PRKCH: variants seen among roughly 807,000 people sequenced by gnomAD.
PRKCH encodes protein kinase C eta, also known as protein kinase C eta type.
PRKCH carries 28 observed loss-of-function variants against 82.5 expected under a neutral mutation model. The observed-to-expected ratio is 0.34, with a 90% CI of 0.25 to 0.47. The LOEUF is 0.47. PRKCH is among the 20% of genes least tolerant of loss of function. The probability of loss-of-function intolerance (pLI) is 1.00; values close to 1 mark genes in which losing one functional copy is unlikely to be tolerated. For missense variants in PRKCH, 705 were observed against 881.8 expected (o/e 0.80, Z 2.54); for synonymous variants, 322 against 327.4 (o/e 0.98, Z 0.18).
At chr14:61,286,782 A>C (rs552670836) in intron 1 of PRKCH, among the ~76,000 whole-genome samples, 1 of 152,282 alleles carries the variant, frequency 6.6e-6, no homozygotes. Flanking sequence ...ATCTCAAAAA[A>C]AAAGAGGGTG....
intron 1 of PRKCH, among the ~76,000 whole-genome samples, chr14:61,372,588 G>A (rs1000198601): frequency 6.6e-6 from 1 of 152,022 alleles, no homozygotes; most frequent in African/African-American, 2.4e-5. Context: ...ATTGGCTAGA[G>A]TTCAGTGGTT....
intron 1 of PRKCH, among the ~76,000 whole-genome samples, chr14:61,243,538 T>C (rs2044858262): frequency 6.6e-6 from 1 of 152,062 alleles, no homozygotes; most frequent in African/African-American, 2.4e-5. Flanking sequence ...TAGCTACAGC[T>C]TGGGGAACGG....
In PRKCH at chr14:61,280,886, G is replaced by C. The variant is rs1349865973; in HGVS notation, c.-19+93218G>C. The C allele has an allele frequency of 6.4e-7, 1 of 1,556,074 alleles. No homozygotes were observed. The highest frequency in any genetic ancestry group is 8.6e-7 in the Non-Finnish European group (1 of 1,158,028). On this transcript the variant is annotated intron_variant, in intron 1 of 3. Coordinates refer to the PRKCH transcript ENST00000555185. The surrounding 1 kb of genome is among the most constrained non-coding windows in gnomAD (Gnocchi z 5.0). ...CAGGCGCACGAGCAGGGGGGCGGCA[G>C]CGCCCGGCCCTGGCCAGCCGCGGCG...
At chr14:61,529,877 C>T (rs935441980) in intron 11 of PRKCH, among the ~76,000 whole-genome samples, 3 of 142,948 alleles carry the variant, frequency 2.1e-5, no homozygotes, top group Admixed American at 7.2e-5. Flanking sequence ...GCACAATGTG[C>T]GCATGTACCC....
In PRKCH at chr14:61,453,297, C is replaced by A; in HGVS notation, c.904C>A (p.Leu302Ile). Residue 302 changes from leucine to isoleucine, a missense_variant, in exon 7 of 14, where the codon CTT (leucine) becomes ATT (isoleucine). Physicochemically the swap from Leu to Ile is conservative, Grantham distance 5. Transcript: ENST00000332981. ...TAACTGTGGGGTAAATGCGGTGGAA[C>A]TTGCCAAGACCCTGGCAGGGATGGG... is the stretch of plus-strand genomic sequence containing the variant. ...APNCGVNAVE[L>I]AKTLAGMGLQ... 1 of 1,614,178 alleles carries A rather than the reference C, an allele frequency of 6.2e-7. No homozygotes were observed. Among genetic ancestry groups the A allele is most frequent in the Non-Finnish European group, 8.5e-7 (1 of 1,180,010 alleles).
At chr14:61,338,214 C>A (rs1186970447) in intron 1 of PRKCH, among the ~76,000 whole-genome samples, 1 of 152,204 alleles carries the variant, frequency 6.6e-6, no homozygotes, top group Non-Finnish European at 1.5e-5. Context: ...AAGTACCCTG[C>A]ACATGTTTGG....
chr14:61,376,011 C>G (rs1023706745), intron 1 of PRKCH, among the ~76,000 whole-genome samples: 2 of 140,586 alleles, frequency 1.4e-5, no homozygotes, highest in Middle Eastern at 3.6e-3. Flanking sequence ...GAGTGAAATT[C>G]TGTCTCAAAA....
intron 1 of PRKCH, among the ~76,000 whole-genome samples, chr14:61,341,748 C>T (rs1176090030): frequency 1.3e-5 from 2 of 152,310 alleles, no homozygotes; most frequent in Non-Finnish European, 2.9e-5. Flanking sequence ...AATTCCTTTT[C>T]TCCTTTTTCC....
intron 1 of PRKCH, among the ~76,000 whole-genome samples, chr14:61,302,658 G>T (rs1014651697): frequency 1.3e-5 from 2 of 152,138 alleles, no homozygotes; most frequent in African/African-American, 4.8e-5. Context: ...GAACTATGTT[G>T]TGGGACTTCC....
chr14:61,464,815 C>T (rs1885182166), intron 9 of PRKCH, among the ~76,000 whole-genome samples: 3 of 152,206 alleles, frequency 2.0e-5, no homozygotes, highest in South Asian at 4.1e-4. Flanking sequence ...GGTTCCAAGT[C>T]TTTGGTATTG....
chr14:61,511,220 T>C (rs1887362143), intron 10 of PRKCH, among the ~76,000 whole-genome samples: 1 of 152,198 alleles, frequency 6.6e-6, no homozygotes, highest in Non-Finnish European at 1.5e-5. Context: ...TCATTAACTG[T>C]CTCCATTTGG....
At chr14:61,323,621 A>C (rs757450915) in intron 1 of PRKCH, among the ~76,000 whole-genome samples, 1 of 152,166 alleles carries the variant, frequency 6.6e-6, no homozygotes, top group Non-Finnish European at 1.5e-5. Flanking sequence ...TTTACCGTAT[A>C]TTTTCTAAAA....
chr14:61,225,410 A>G (rs2044689347), intron 1 of PRKCH, among the ~76,000 whole-genome samples: 1 of 152,206 alleles, frequency 6.6e-6, no homozygotes. Flanking sequence ...CCTGGGCTGC[A>G]TATCCTCCTA....
chr14:61,532,917 G>A (rs1188253168), intron 12 of PRKCH, among the ~76,000 whole-genome samples: 4 of 152,180 alleles, frequency 2.6e-5, no homozygotes, highest in Non-Finnish European at 5.9e-5. Flanking sequence ...TCCACTGATG[G>A]AGGCAGCAGC....
chr14:61,217,013 C>T (rs1292807475), intron 1 of PRKCH, among the ~76,000 whole-genome samples: 1 of 151,350 alleles, frequency 6.6e-6, no homozygotes, highest in Admixed American at 6.6e-5. Context: ...TCGGCATATA[C>T]ATTTGTAAAA....
intron 1 of PRKCH, among the ~76,000 whole-genome samples, chr14:61,381,869 T>TG (rs1171933971): frequency 6.6e-6 from 1 of 152,164 alleles, no homozygotes; most frequent in Non-Finnish European, 1.5e-5. Flanking sequence ...AAGCAACAGA[T>TG]GGACCTCAGG....
chr14:61,509,781 G>A (rs778327139), intron 10 of PRKCH, among the ~76,000 whole-genome samples: 1 of 152,076 alleles, frequency 6.6e-6, no homozygotes, highest in Non-Finnish European at 1.5e-5. Context: ...CATGCATGGT[G>A]GTGGGTTCCT....
intron 1 of PRKCH, among the ~76,000 whole-genome samples, chr14:61,377,158 CTT>C (rs1265168874): frequency 1.3e-5 from 2 of 152,220 alleles, no homozygotes; most frequent in Non-Finnish European, 2.9e-5. Context: ...CTTCTCCTCT[CTT>C]TTGAAGCTGC....
At chr14:61,439,035 T>C (rs1278955386) in intron 2 of PRKCH, among the ~76,000 whole-genome samples, 1 of 152,186 alleles carries the variant, frequency 6.6e-6, no homozygotes, top group African/African-American at 2.4e-5. Flanking sequence ...TTTAGAGCCA[T>C]TGGGCACCTA....
Sources: gnomAD v4.1 joint callset for allele counts (sites outside exome capture counted in the v4.1 genomes callset) on GRCh38, gnomAD v4.1.1 for gene constraint, Gnocchi (gnomAD v3.1) non-coding constraint, MANE v1.5 for transcripts, NCBI Gene and HGNC (gene_info 2026-07-23, HGNC 2026-07-21) for gene names.